SPAG16: variants seen among roughly 807,000 people sequenced by gnomAD.
SPAG16 encodes the protein sperm-associated antigen 16 protein.
Under a neutral mutation model 80.4 loss-of-function variants are expected in SPAG16, and 86 were observed. That is an observed-to-expected ratio of 1.07 (90% CI 0.90 to 1.28). The LOEUF is 1.28. Ranked by LOEUF, SPAG16 falls within the 50% of genes most tolerant of loss-of-function variation. The probability of loss-of-function intolerance (pLI) is 0.00; values close to 1 mark genes in which losing one functional copy is unlikely to be tolerated. For synonymous variants in SPAG16, 294 were observed against 265.9 expected, an observed-to-expected ratio of 1.11 and a Z score of -1.03; for missense variants, 870 against 765.3, an observed-to-expected ratio of 1.14 and a Z score of -1.61.
chr2:214,131,257 T>G (rs1356703143), intron 14 of SPAG16, among the ~76,000 whole-genome samples: 1 of 151,846 alleles, frequency 6.6e-6, no homozygotes, highest in Non-Finnish European at 1.5e-5. Flanking sequence ...TGGTCCTAGT[T>G]GCTTCGGGAA....
At chr2:214,126,420 C>T (rs1483242442) in intron 14 of SPAG16, among the ~76,000 whole-genome samples, 4 of 151,534 alleles carry the variant, frequency 2.6e-5, no homozygotes, top group African/African-American at 7.3e-5. Flanking sequence ...TTCAGGGTGT[C>T]GTGTTCTGAG....
At chr2:213,413,864 C>A (rs2069117133) in intron 9 of SPAG16, among the ~76,000 whole-genome samples, 1 of 152,080 alleles carries the variant, frequency 6.6e-6, no homozygotes, top group Non-Finnish European at 1.5e-5. Context: ...TTGGTACATG[C>A]CATAATCATA....
chr2:214,274,095 T>G (rs1453601768), intron 15 of SPAG16, among the ~76,000 whole-genome samples: 1 of 152,160 alleles, frequency 6.6e-6, no homozygotes, highest in East Asian at 1.9e-4. Context: ...TGGCTCTCTG[T>G]TTGTCTGTTA....
chr2:213,949,179 T>TTTTTTTTTTTTTTGTTTTTTGTTTTTTG (rs2079613121), intron 12 of SPAG16, among the ~76,000 whole-genome samples: 1 of 36,244 alleles, frequency 2.8e-5, no homozygotes, highest in African/African-American at 8.2e-5. Flanking sequence ...GTTTTTTTTT[T>TTTTTTTTTTTTTTGTTTTTTGTTTTTTG]TTTTTTTTTT....
Position 214,108,195 on chromosome 2 carries a change from G to C in SPAG16, c.1528-1G>C. The C allele has an allele frequency of 1.3e-6, 2 of 1,570,790 alleles. No homozygotes were observed. Reference sequence around the variant, plus strand: ...ACTCTGTTTCTGCTTTGTCTTCCTAGGGTATATGTGAGCAGTCACTTTATG... The same window carrying C: ...ACTCTGTTTCTGCTTTGTCTTCCTACGGTATATGTGAGCAGTCACTTTATG... On this transcript the variant is annotated splice_acceptor_variant, in intron 13 of 15. Coordinates refer to ENST00000331683, the MANE Select transcript of SPAG16 (RefSeq NM_024532.5). LOFTEE classifies it high-confidence loss of function.
chr2:214,204,162 G>A (rs1200585281), intron 15 of SPAG16, among the ~76,000 whole-genome samples: 1 of 152,172 alleles, frequency 6.6e-6, no homozygotes, highest in African/African-American at 2.4e-5. Flanking sequence ...CCCCACAGCA[G>A]CTGCAGAAAG....
chr2:214,250,789 G>GAGAGAGAGAGAGAC (rs10700228), intron 15 of SPAG16, among the ~76,000 whole-genome samples: 4 of 139,414 alleles, frequency 2.9e-5, no homozygotes. Flanking sequence ...GAGAGAGAGA[G>GAGAGAGAGAGAGAC]TCAAACTTTT....
chr2:213,876,321 GAAGAAGAA>G (rs2076140835), intron 11 of SPAG16, among the ~76,000 whole-genome samples: 1 of 25,754 alleles, frequency 3.9e-5, no homozygotes, highest in South Asian at 5.3e-3. Context: ...AAAAAAAAAA[GAAGAAGAA>G]AAGAAAAGAA....
chr2:213,873,665 A>C (rs1023289992), intron 11 of SPAG16, among the ~76,000 whole-genome samples: 3 of 151,932 alleles, frequency 2.0e-5, no homozygotes, highest in African/African-American at 7.3e-5. Flanking sequence ...TTATCCTATA[A>C]GTTTTCATAT....
intron 10 of SPAG16, among the ~76,000 whole-genome samples, chr2:213,750,760 A>C (rs1206449258): frequency 6.6e-6 from 1 of 152,228 alleles, no homozygotes; most frequent in Admixed American, 6.5e-5. Flanking sequence ...GGTGGAAAGC[A>C]GTCTAGGCTA....
intron 5 of SPAG16, among the ~76,000 whole-genome samples, chr2:213,325,442 T>G (rs145677802): frequency 0.014 from 2,117 of 152,138 alleles, 25 homozygotes; most frequent in Non-Finnish European, 0.015. Context: ...AATACATAAT[T>G]GTTCTGGCAC....
At chr2:213,813,135 A>T (rs2125672759) in intron 10 of SPAG16, among the ~76,000 whole-genome samples, 1 of 152,278 alleles carries the variant, frequency 6.6e-6, no homozygotes, top group South Asian at 2.1e-4. Flanking sequence ...GTGACACGAT[A>T]ACTTTTTCTG....
intron 10 of SPAG16, among the ~76,000 whole-genome samples, chr2:213,751,471 A>G (rs140951780): frequency 5.9e-5 from 9 of 152,166 alleles, no homozygotes; most frequent in Non-Finnish European, 1.2e-4. Flanking sequence ...AAGTGGTAAC[A>G]CTCATAGGCC....
intron 15 of SPAG16, among the ~76,000 whole-genome samples, chr2:214,382,818 G>GA (rs1489151519): frequency 6.6e-6 from 1 of 152,190 alleles, no homozygotes; most frequent in Admixed American, 6.5e-5. Context: ...CAGGTACAGA[G>GA]AGCATCATGG....
intron 10 of SPAG16, among the ~76,000 whole-genome samples, chr2:213,728,275 T>C (rs2125413808): frequency 6.6e-6 from 1 of 152,346 alleles, no homozygotes; most frequent in East Asian, 1.9e-4. Flanking sequence ...ATTCAGCTTG[T>C]GGAGCTTGTG....
intron 10 of SPAG16, among the ~76,000 whole-genome samples, chr2:213,526,799 T>C (rs934784412): frequency 6.6e-6 from 1 of 152,226 alleles, no homozygotes. Context: ...TAATTTTTTT[T>C]CCTTCAGAAT....
intron 15 of SPAG16, among the ~76,000 whole-genome samples, chr2:214,166,262 A>C (rs1434968257): frequency 6.6e-6 from 1 of 151,952 alleles, no homozygotes; most frequent in African/African-American, 2.4e-5. Flanking sequence ...CCATTCCTCC[A>C]CTCATCCATT....
intron 15 of SPAG16, among the ~76,000 whole-genome samples, chr2:214,294,957 T>C (rs1490827868): frequency 6.6e-6 from 1 of 152,204 alleles, no homozygotes; most frequent in Non-Finnish European, 1.5e-5. Flanking sequence ...AAATTCTTGA[T>C]TTATTGGAAA....
chr2:213,337,946 G>C (rs2064462242), intron 5 of SPAG16, among the ~76,000 whole-genome samples: 1 of 151,986 alleles, frequency 6.6e-6, no homozygotes, highest in Admixed American at 6.6e-5. Flanking sequence ...TGAAATAAAG[G>C]AAAAAATGTT....
Sources: gnomAD v4.1 joint callset for allele counts (sites outside exome capture counted in the v4.1 genomes callset) on GRCh38, gnomAD v4.1.1 for gene constraint, MANE v1.5 for transcripts, NCBI Gene and HGNC (gene_info 2026-07-23, HGNC 2026-07-21) for gene names.